Variants in PIK3C2G observed in about 807,000 individuals in gnomAD.
The protein encoded by PIK3C2G is phosphatidylinositol-4-phosphate 3-kinase catalytic subunit type 2 gamma, also known as phosphatidylinositol 3-kinase C2 domain-containing subunit gamma.
A neutral mutation model predicts 181.1 loss-of-function variants in PIK3C2G; 168 were observed. The observed-to-expected ratio is 0.93, with a 90% confidence interval of 0.82 to 1.05. PIK3C2G has a LOEUF of 1.05. PIK3C2G is among the 50% of genes least tolerant of loss of function. The probability of loss-of-function intolerance (pLI) is 0.00; values close to 1 mark genes in which losing one functional copy is unlikely to be tolerated. For missense variants in PIK3C2G, 1,869 were observed against 1,732.8 expected, an observed-to-expected ratio of 1.08 and a Z score of -1.40; for synonymous variants, 573 against 592.2, an observed-to-expected ratio of 0.97 and a Z score of 0.47.
chr12:18,327,827 A>T (rs1951415531), intron 8 of PIK3C2G, among the ~76,000 whole-genome samples: 1 of 152,040 alleles, frequency 6.6e-6, no homozygotes, highest in South Asian at 2.1e-4. Flanking sequence ...TGAAACCAAG[A>T]GAAATGGGAG....
intron 13 of PIK3C2G, among the ~76,000 whole-genome samples, chr12:18,375,180 A>C (rs1364579804): frequency 6.6e-6 from 1 of 152,186 alleles, no homozygotes. Context: ...AAAGTTTGGG[A>C]TTTCTGAGAG....
At chr12:18,717,081 T>G in the PIK3C2G span, among the ~76,000 whole-genome samples, 1 of 152,158 alleles carries the variant, frequency 6.6e-6, no homozygotes, top group Non-Finnish European at 1.5e-5. Flanking sequence ...ACTTTCATAC[T>G]AAGCATGTGT....
rs571280235 is a variant in PIK3C2G, at chr12:18,501,616, C to T, written c.3017-1665C>T. ...TACTCTATGTACACAGAATTATGTT[C>T]GAAGAATTTAAATAGTGTATGATAT... On this transcript the variant is annotated intron_variant, in intron 22 of 32. Coordinates refer to ENST00000538779, the MANE Select transcript of PIK3C2G (RefSeq NM_001288772.2). 1.2e-4 allele frequency among the ~76,000 whole-genome samples: 18 copies of T among 152,060 alleles called. No individual in the cohort carries two copies. In the South Asian group the frequency reaches 1.9e-3, roughly 16 times the overall value.
chr12:18,542,987 A>T (rs1944242155), intron 25 of PIK3C2G, among the ~76,000 whole-genome samples: 1 of 151,990 alleles, frequency 6.6e-6, no homozygotes, highest in Non-Finnish European at 1.5e-5. Context: ...CAATGGTTGA[A>T]CTAATTTATA....
chr12:18,506,512 G>C (rs1941848458), intron 24 of PIK3C2G, among the ~76,000 whole-genome samples: 1 of 152,160 alleles, frequency 6.6e-6, no homozygotes, highest in Non-Finnish European at 1.5e-5. Context: ...TGAAGACAGA[G>C]CCACAGGATC....
At chr12:18,419,685 G>A (rs1407464112) in intron 16 of PIK3C2G, among the ~76,000 whole-genome samples, 2 of 152,162 alleles carry the variant, frequency 1.3e-5, no homozygotes, top group African/African-American at 4.8e-5. Context: ...AAAAATACTG[G>A]AAATGTACTT....
intron 19 of PIK3C2G, among the ~76,000 whole-genome samples, chr12:18,489,663 A>G (rs992309305): frequency 6.6e-6 from 1 of 152,188 alleles, no homozygotes; most frequent in Non-Finnish European, 1.5e-5. Context: ...GCAATGCAAA[A>G]AAAAGTTCTA....
At chr12:18,524,210 T>C (rs767321746) in intron 24 of PIK3C2G, among the ~76,000 whole-genome samples, 2 of 152,224 alleles carry the variant, frequency 1.3e-5, no homozygotes, top group Non-Finnish European at 2.9e-5. Context: ...AACTCACATT[T>C]GTCTCTGTAG....
At chr12:18,629,933 G>C (rs1410268488) in intron 31 of PIK3C2G, among the ~76,000 whole-genome samples, 1 of 152,078 alleles carries the variant, frequency 6.6e-6, no homozygotes, top group Non-Finnish European at 1.5e-5. Context: ...CATTACAAAT[G>C]ATGATTCAAC....
chr12:18,530,120 A>G (rs1943468367), intron 24 of PIK3C2G, among the ~76,000 whole-genome samples: 1 of 152,320 alleles, frequency 6.6e-6, no homozygotes, highest in African/African-American at 2.4e-5. Context: ...CATAAACCTC[A>G]GATCACTCCT....
chr12:18,541,216 T>G (rs927617506), intron 25 of PIK3C2G, among the ~76,000 whole-genome samples: 5 of 151,928 alleles, frequency 3.3e-5, no homozygotes, highest in Non-Finnish European at 5.9e-5. Context: ...GCCACAGACA[T>G]TTGGTGGGTC....
In PIK3C2G at chr12:18,534,585, C is replaced by T. The variant is rs376866163; in HGVS notation, c.3324-3571C>T. Among the ~76,000 whole-genome samples, 3 of 151,618 alleles carry T rather than the reference C, an allele frequency of 2.0e-5. No homozygotes were observed. In the East Asian group the frequency reaches 5.9e-4, roughly 30 times the overall value. On this transcript the variant is annotated intron_variant, in intron 24 of 32. Transcript: ENST00000538779. ...TATGTTTATTTATTGTTGCATTCAT[C>T]GCATGTAAGAGAATAACATCAAAAT...
chr12:18,655,552 TATA>T, the PIK3C2G span, among the ~76,000 whole-genome samples: 1 of 152,116 alleles, frequency 6.6e-6, no homozygotes. Flanking sequence ...TCCTGAAGAA[TATA>T]ATATGGAAAA....
chr12:18,529,138 T>TTTTTTTTTTTTTTTTTTTTGAG (rs1212731891), intron 24 of PIK3C2G, among the ~76,000 whole-genome samples: 1 of 151,736 alleles, frequency 6.6e-6, no homozygotes, highest in African/African-American at 2.4e-5. Flanking sequence ...ACTGTTTCTT[T>TTTTTTTTTTTTTTTTTTTTGAG]AGTTAGCATC....
intron 17 of PIK3C2G, among the ~76,000 whole-genome samples, 192 bp downstream of exon 17, chr12:18,421,226 C>T (rs1945467851): frequency 6.6e-6 from 1 of 151,046 alleles, no homozygotes; most frequent in Non-Finnish European, 1.5e-5. Flanking sequence ...TACATTAATT[C>T]CAAAAAGGAA....
intron 18 of PIK3C2G, among the ~76,000 whole-genome samples, chr12:18,452,752 T>G (rs1165520991): frequency 6.6e-6 from 1 of 152,218 alleles, no homozygotes. Flanking sequence ...TCTCAGAGAT[T>G]CTGGTACATT....
chr12:18,332,928 G>A (rs557352888), intron 8 of PIK3C2G, among the ~76,000 whole-genome samples: 1 of 152,212 alleles, frequency 6.6e-6, no homozygotes, highest in East Asian at 1.9e-4. Context: ...GCTGGTAGGC[G>A]TCCATGGAAA....
chr12:18,607,598 A>T (rs1343691635), intron 30 of PIK3C2G, among the ~76,000 whole-genome samples: 1 of 152,182 alleles, frequency 6.6e-6, no homozygotes, highest in African/African-American at 2.4e-5. Context: ...ATAAAACCCT[A>T]GAAGAAAACC....
At chr12:18,427,386 A>C (rs1945881566) in intron 18 of PIK3C2G, among the ~76,000 whole-genome samples, 1 of 151,258 alleles carries the variant, frequency 6.6e-6, no homozygotes, top group South Asian at 2.1e-4. Context: ...GGGCGCCTGT[A>C]ATCTCAGCTA....
Sources: allele counts gnomAD v4.1 joint callset (sites outside exome capture counted in the v4.1 genomes callset), GRCh38; gene constraint gnomAD v4.1.1; transcripts MANE v1.5; gene names NCBI Gene and HGNC (gene_info 2026-07-23, HGNC 2026-07-21).